The following RORA variants were observed in gnomAD, a reference collection of about 807,000 sequenced individuals.
The protein encoded by RORA is nuclear receptor ROR-alpha.
A neutral mutation model predicts 69.5 loss-of-function variants in RORA; 7 were observed. The observed-to-expected ratio is 0.10, with a 90% CI of 0.06 to 0.19. The LOEUF is 0.19. Ranked by LOEUF, RORA falls within the 10% of genes least tolerant of loss-of-function variation. The pLI is 1.00. For synonymous variants in RORA, 261 were observed against 240.8 expected, an observed-to-expected ratio of 1.08 and a Z score of -0.78; for missense variants, 457 against 663.0, an observed-to-expected ratio of 0.69 and a Z score of 3.41.
intron 1 of RORA, among the ~76,000 whole-genome samples, chr15:60,907,470 T>C (rs1891578972): frequency 6.6e-6 from 1 of 152,258 alleles, no homozygotes; most frequent in Non-Finnish European, 1.5e-5. Flanking sequence ...CTCCGTGCTC[T>C]TGATTACATA....
intron 1 of RORA, among the ~76,000 whole-genome samples, chr15:61,067,194 C>A (rs2078275527): frequency 6.6e-6 from 1 of 151,622 alleles, no homozygotes; most frequent in African/African-American, 2.4e-5. Flanking sequence ...TCACTGCAAC[C>A]TCTGCCTCCC....
At chr15:61,037,078 A>C (rs1216152976) in intron 1 of RORA, among the ~76,000 whole-genome samples, 2 of 152,212 alleles carry the variant, frequency 1.3e-5, no homozygotes, top group Non-Finnish European at 2.9e-5. Context: ...TAGGAATTCA[A>C]ATCCTAGCTC....
At chr15:60,696,282 A>T (rs1403054922) in intron 1 of RORA, among the ~76,000 whole-genome samples, 5 of 152,134 alleles carry the variant, frequency 3.3e-5, no homozygotes, top group African/African-American at 9.7e-5. Context: ...TATGTATAGG[A>T]TCCAGGGGGA....
intron 1 of RORA, among the ~76,000 whole-genome samples, chr15:60,880,052 C>G (rs990326008): frequency 6.6e-6 from 1 of 152,140 alleles, no homozygotes; most frequent in African/African-American, 2.4e-5. Context: ...TAGAATATGG[C>G]CTGCACACAG....
At chr15:60,734,301 T>C (rs2071470001) in intron 1 of RORA, among the ~76,000 whole-genome samples, 2 of 152,118 alleles carry the variant, frequency 1.3e-5, no homozygotes, top group South Asian at 2.1e-4. Flanking sequence ...AGATGGGGCC[T>C]CTCAGTGATT....
At chr15:60,503,753 G>A in intron 6 of RORA, 86 bp from the exon 7 acceptor site, 1 of 1,509,826 alleles carries the variant, frequency 6.6e-7, no homozygotes, top group Non-Finnish European at 9.0e-7. Context: ...AGCAAAGCAT[G>A]CCACTGCTTT....
intron 2 of RORA, among the ~76,000 whole-genome samples, chr15:60,637,543 G>A (rs77556115): frequency 0.028 from 4,254 of 151,692 alleles, 207 homozygotes; most frequent in African/African-American, 0.098. Flanking sequence ...ATACATTCTC[G>A]TTATTTAATT....
rs2079708934 is a variant in RORA, at chr15:61,183,522, T to C, written c.166+45531A>G. On this transcript the variant is annotated intron_variant, in intron 1 of 10. Transcript: ENST00000335670. ...TGCACTCTAGCCTGGGCAACAAGAG[T>C]GAGACTGTTTCAAAAAAAAAAAAAA... 4.1e-5 allele frequency among the ~76,000 whole-genome samples: 5 copies of C among 122,152 alleles called. No individual in the cohort carries two copies. The South Asian group carries it at 1.4e-3, about 34-fold the overall frequency. The allele number at this position is 122,152 out of a possible 152,430, so 80.1% of individuals were successfully genotyped here.
intron 1 of RORA, among the ~76,000 whole-genome samples, chr15:61,140,632 A>G (rs967475392): frequency 3.3e-5 from 5 of 152,012 alleles, no homozygotes; most frequent in African/African-American, 4.8e-5. Flanking sequence ...CTACAAGGGG[A>G]CCCCAAAACT....
intron 1 of RORA, among the ~76,000 whole-genome samples, chr15:61,046,750 G>GGCCTTCAACAGAGAGGGAAAAAACA (rs1273082028): frequency 5.9e-5 from 9 of 152,170 alleles, no homozygotes; most frequent in African/African-American, 1.9e-4. Flanking sequence ...GATGCCAACA[G>GGCCTTCAACAGAGAGGGAAAAAACA]GCCTTCAACA....
intron 1 of RORA, among the ~76,000 whole-genome samples, chr15:60,923,788 C>A (rs1174524677): frequency 6.6e-6 from 1 of 152,178 alleles, no homozygotes; most frequent in Non-Finnish European, 1.5e-5. Context: ...GTGGCAACAA[C>A]CCCACCCAGA....
chr15:60,635,216 A>T (rs1306103344), intron 2 of RORA, among the ~76,000 whole-genome samples: 2 of 152,178 alleles, frequency 1.3e-5, no homozygotes, highest in Non-Finnish European at 2.9e-5. Context: ...ATCTTCCCAT[A>T]TATTTCTCTT....
At chr15:60,527,484 C>G (rs555846037) in intron 3 of RORA, among the ~76,000 whole-genome samples, 28 of 152,340 alleles carry the variant, frequency 1.8e-4, no homozygotes, top group African/African-American at 6.7e-4. Context: ...TGGGGCACGA[C>G]CTGCCCCTCC....
intron 1 of RORA, among the ~76,000 whole-genome samples, chr15:60,688,196 C>A (rs2070774261): frequency 1.3e-5 from 2 of 151,764 alleles, no homozygotes; most frequent in Non-Finnish European, 2.9e-5. Context: ...GATGTTCCAG[C>A]TGCATTATGA....
At chr15:61,092,390 A>C (rs1400733849) in intron 1 of RORA, among the ~76,000 whole-genome samples, 1 of 152,218 alleles carries the variant, frequency 6.6e-6, no homozygotes, top group Non-Finnish European at 1.5e-5. Flanking sequence ...GCAGCTCCAT[A>C]ATCTGCTCTG....
At chr15:61,229,010 G>C (rs530446205) in intron 1 of RORA, 43 bp downstream of exon 1, 9 of 1,171,010 alleles carry the variant, frequency 7.7e-6, no homozygotes, top group Admixed American at 3.7e-5. Context: ...CTCCGCGCCC[G>C]GGCTCCCGCC....
chr15:60,563,275 G>A (rs1365831305), intron 2 of RORA, among the ~76,000 whole-genome samples: 5 of 152,144 alleles, frequency 3.3e-5, no homozygotes, highest in African/African-American at 1.2e-4. Flanking sequence ...CAACTGCTCA[G>A]CCTTTTATAC....
chr15:60,800,771 G>GC (rs956714288), intron 1 of RORA, among the ~76,000 whole-genome samples: 24 of 151,956 alleles, frequency 1.6e-4, no homozygotes, highest in African/African-American at 5.6e-4. Flanking sequence ...TTCATATGCC[G>GC]CCCCCACCTC....
intron 3 of RORA, among the ~76,000 whole-genome samples, chr15:60,526,084 A>C (rs1186363452): frequency 6.6e-6 from 1 of 152,244 alleles, no homozygotes; most frequent in Non-Finnish European, 1.5e-5. Flanking sequence ...GTTGTTCTTT[A>C]GAAAGAGCAG....
Sources: allele counts gnomAD v4.1 joint callset (sites outside exome capture counted in the v4.1 genomes callset), GRCh38; gene constraint gnomAD v4.1.1; transcripts MANE v1.5; gene names NCBI Gene and HGNC (gene_info 2026-07-23, HGNC 2026-07-21).